The following KIF5C variants were observed in gnomAD, a reference collection of about 807,000 sequenced individuals.
KIF5C encodes kinesin heavy chain isoform 5C.
KIF5C carries 18 observed loss-of-function variants against 125.2 expected under a neutral mutation model. The observed-to-expected ratio is 0.14, with a 90% confidence interval of 0.10 to 0.21. The LOEUF (loss-of-function observed/expected upper bound fraction) is 0.21. KIF5C is among the 10% of genes least tolerant of loss of function. The pLI is 1.00. For synonymous variants in KIF5C, 405 were observed against 434.0 expected, an observed-to-expected ratio of 0.93 and a Z score of 0.83; for missense variants, 780 against 1,183.8, an observed-to-expected ratio of 0.66 and a Z score of 5.01.
rs572558219 is a variant in KIF5C, at chr2:148,965,208, TA to T, written c.1117+3090del. On this transcript the variant is annotated intron_variant, in intron 11 of 25. Transcript: ENST00000435030. ...GGGGAACATTATTCAGATAAGAAGTTAGGTCTGAGGGTCTGGAGCTCAGAGG... is the reference window on the plus strand; with the variant it reads ...GGGGAACATTATTCAGATAAGAAGTTGGTCTGAGGGTCTGGAGCTCAGAGG... Among the ~76,000 whole-genome samples the T allele has an allele frequency of 1.7e-3, 256 of 152,056 alleles. 3 individuals are homozygous for T. Among genetic ancestry groups the T allele is most frequent in the Non-Finnish European group, 3.1e-3 (212 of 67,970 alleles).
At chr2:148,896,844 T>TG (rs1295217717) in intron 1 of KIF5C, among the ~76,000 whole-genome samples, 4 of 150,638 alleles carry the variant, frequency 2.7e-5, no homozygotes, top group Non-Finnish European at 5.9e-5. Context: ...TCTCTCTCTT[T>TG]CTTTCTGATG....
chr2:148,875,575 G>GGCCCCCCCCCCCCCCCC lies in KIF5C; in HGVS notation c.-43_-42insGCCCCCCCCCCCCCCCC. ...TCCTCCCTCGTCGTTCCCGGCCCCG[G>GGCCCCCCCCCCCCCCCC]CCCCCCACCCATCCCCGTGCCCCCT... On this transcript the variant is annotated 5_prime_UTR_variant, in exon 1 of 26. Coordinates refer to ENST00000435030, the MANE Select transcript of KIF5C (RefSeq NM_004522.3). 2.9e-6 allele frequency: 2 copies of GGCCCCCCCCCCCCCCCC among 699,590 alleles called. No individual in the cohort carries two copies. Among genetic ancestry groups the GGCCCCCCCCCCCCCCCC allele is most frequent in the Non-Finnish European group, 5.1e-6 (2 of 389,218 alleles). 43.3% of individuals were successfully genotyped at this position (699,590 alleles called of 1,614,324 possible). A position where few individuals can be genotyped will look rare whatever the true frequency, so the allele number is the denominator to read the frequency against.
intron 8 of KIF5C, among the ~76,000 whole-genome samples, chr2:148,947,720 C>T (rs978778094): frequency 3.0e-4 from 46 of 152,230 alleles, no homozygotes; most frequent in African/African-American, 1.0e-3. Flanking sequence ...TTCCATAGCA[C>T]CAGTGGAGGC....
chr2:148,975,001 A>G (rs1296173326), intron 12 of KIF5C, among the ~76,000 whole-genome samples: 4 of 152,240 alleles, frequency 2.6e-5, no homozygotes, highest in Admixed American at 1.3e-4. Context: ...GCCATGTCCA[A>G]AGCATTCAGT....
At chr2:148,918,728 G>C (rs1681660742) in intron 1 of KIF5C, among the ~76,000 whole-genome samples, 2 of 152,258 alleles carry the variant, frequency 1.3e-5, no homozygotes, top group South Asian at 4.1e-4. Flanking sequence ...GGGCAAAGAG[G>C]GTCTAATCTA....
chr2:148,882,067 G>A (rs1574685305), intron 1 of KIF5C, among the ~76,000 whole-genome samples: 1 of 152,204 alleles, frequency 6.6e-6, no homozygotes, highest in East Asian at 1.9e-4. Context: ...CTCTTAGTAG[G>A]AATTGAGTGG....
Position 148,999,577 on chromosome 2 carries a change from C to G in KIF5C, c.2211-846C>G, listed in dbSNP as rs151164062. Among the ~76,000 whole-genome samples the G allele has an allele frequency of 7.8e-3, 1,182 of 152,346 alleles. 5 individuals are homozygous for G. Among genetic ancestry groups the G allele is most frequent in the Admixed American group, 0.012 (188 of 15,304 alleles). On this transcript the variant is annotated intron_variant, in intron 19 of 25. Transcript: ENST00000435030. Reference sequence around the variant, plus strand: ...CTCTTTTTCTCCTCTTCGGCCATCCCCTGCTGTTGCCATGTTGTGCTTTTC... The same window carrying G: ...CTCTTTTTCTCCTCTTCGGCCATCCGCTGCTGTTGCCATGTTGTGCTTTTC...
At position 148,875,659 on chromosome 2, in the gene KIF5C, G is replaced by C. The variant is rs757376824; in HGVS notation, c.42G>C (p.Arg14=). Residue 14 remains arginine, a synonymous_variant, in exon 1 of 26, where the codon CGG becomes CGC. Coordinates refer to ENST00000435030, the MANE Select transcript of KIF5C (RefSeq NM_004522.3). ...PAECSIKVMC[R]FRPLNEAEIL... ...AATGCAGCATCAAAGTGATGTGCCG[G>C]TTCCGGCCCCTCAACGAAGCGGAGA... 6.4e-6 allele frequency: 10 copies of C among 1,572,134 alleles called. No homozygotes were observed. The highest frequency in any genetic ancestry group is 2.4e-5 in the South Asian group (2 of 85,068).
intron 25 of KIF5C, 70 bp downstream of exon 25, chr2:149,011,753 C>G: frequency 6.3e-7 from 1 of 1,595,088 alleles, no homozygotes; most frequent in Admixed American, 1.7e-5. Context: ...AAGCCCCTGC[C>G]TGGCAGTGGA....
chr2:148,918,232 T>TGCAG (rs1464556244), intron 1 of KIF5C, among the ~76,000 whole-genome samples: 2 of 152,246 alleles, frequency 1.3e-5, no homozygotes, highest in African/African-American at 2.4e-5. Flanking sequence ...CTGTTCCACA[T>TGCAG]GCAGGCTTCA....
intron 5 of KIF5C, 55 bp downstream of exon 5, chr2:148,941,713 G>A (rs895078845): frequency 1.9e-6 from 3 of 1,539,314 alleles, no homozygotes; most frequent in Non-Finnish European, 2.6e-6. Flanking sequence ...GTCCGGGGAG[G>A]TTGAAATGGT....
chr2:148,899,647 G>A (rs1558878579), intron 1 of KIF5C, among the ~76,000 whole-genome samples: 1 of 146,088 alleles, frequency 6.8e-6, no homozygotes, highest in South Asian at 2.1e-4. Context: ...AGGTTGCGGT[G>A]AGCCGAGGTC....
rs76016829 is a variant in KIF5C, at chr2:149,017,672, C to T, written c.*8-5406C>T. ...TTTCTTGGTTTTCCTATATTTAGAC[C>T]ATTTTATCTCAAACTTGAGTAGTAA... On this transcript the variant is annotated intron_variant, in intron 25 of 25. Coordinates refer to ENST00000435030, the MANE Select transcript of KIF5C (RefSeq NM_004522.3). Among the ~76,000 whole-genome samples, 899 of 152,242 alleles carry T rather than the reference C, an allele frequency of 5.9e-3. 7 individuals are homozygous for T. Among genetic ancestry groups the T allele is most frequent in the African/African-American group, 0.018 (755 of 41,528 alleles).
intron 1 of KIF5C, among the ~76,000 whole-genome samples, chr2:148,889,767 G>A (rs372703034): frequency 2.0e-5 from 3 of 152,298 alleles, no homozygotes; most frequent in Non-Finnish European, 2.9e-5. Flanking sequence ...TCAGGGATCC[G>A]CACGTCTTTA....
At chr2:148,988,230 T>A (rs533215982) in intron 15 of KIF5C, among the ~76,000 whole-genome samples, 1 of 152,246 alleles carries the variant, frequency 6.6e-6, no homozygotes, top group East Asian at 1.9e-4. Flanking sequence ...ATATATGAAC[T>A]TTGTAGTGGT....
intron 1 of KIF5C, among the ~76,000 whole-genome samples, chr2:148,884,999 C>A (rs1174922012): frequency 1.5e-5 from 2 of 137,018 alleles, no homozygotes; most frequent in African/African-American, 2.8e-5. Context: ...GAGACGGATT[C>A]TCACTCTGTC....
chr2:148,973,302 T>C lies in KIF5C; in HGVS notation c.1118-34T>C, dbSNP rs779594554. 8 of 1,584,404 alleles carry C rather than the reference T, an allele frequency of 5.0e-6. No homozygotes were observed. The East Asian group carries it at 1.8e-4, about 35-fold the overall frequency. ...CTGGAGGGTTGCATACTCAATTTCT[T>C]TAATCCCCAACTCTGCTCGGCTATG... On this transcript the variant is annotated intron_variant, in intron 11 of 25. Coordinates refer to ENST00000435030, the MANE Select transcript of KIF5C (RefSeq NM_004522.3).
chr2:148,911,548 G>T (rs1681338857), intron 1 of KIF5C, among the ~76,000 whole-genome samples: 2 of 152,200 alleles, frequency 1.3e-5, no homozygotes, highest in African/African-American at 2.4e-5. Flanking sequence ...GGGTAAGGAA[G>T]TAGAGGCATG....
chr2:148,937,092 A>G (rs1031316672), intron 3 of KIF5C, among the ~76,000 whole-genome samples, 192 bp from the exon 4 acceptor site: 15 of 152,198 alleles, frequency 9.9e-5, no homozygotes, highest in African/African-American at 3.6e-4. Flanking sequence ...TAAACAGGCC[A>G]ACACAATGAG....
Sources: gnomAD v4.1 joint callset for allele counts (sites outside exome capture counted in the v4.1 genomes callset) on GRCh38, gnomAD v4.1.1 for gene constraint, MANE v1.5 for transcripts, NCBI Gene and HGNC (gene_info 2026-07-23, HGNC 2026-07-21) for gene names.